MAK: variants seen among roughly 807,000 people sequenced by gnomAD.
MAK encodes serine/threonine-protein kinase MAK.
A neutral mutation model predicts 82.6 loss-of-function variants in MAK; 65 were observed. That is an observed-to-expected ratio of 0.79 (90% CI 0.64 to 0.97). The LOEUF (loss-of-function observed/expected upper bound fraction) is 0.97, where lower values mean the gene tolerates loss of function less well. Among genes scored for constraint, MAK ranks in the 50% least tolerant of loss-of-function variants. The pLI is 0.00. For missense variants in MAK, 703 were observed against 780.2 expected, an observed-to-expected ratio of 0.90 and a Z score of 1.18; for synonymous variants, 250 against 274.2, an observed-to-expected ratio of 0.91 and a Z score of 0.87.
chr6:10,764,593 G>A lies in MAK; in HGVS notation c.1806C>T (p.Asn602=). ...LNATASEYTW[N]TKTGRGQFSG... is the part of the protein sequence containing the mutation. ...AAAACTGCCCCCGACCAGTTTTTGT[G>A]TTCCAGGTATATTCTGAAAGAAATC... Residue 602 remains asparagine, a synonymous_variant, in exon 15 of 15, where the codon AAC becomes AAT. Transcript: ENST00000354489. 3 of 1,613,860 alleles carry A rather than the reference G, an allele frequency of 1.9e-6. No individual in the cohort carries two copies. The highest frequency in any genetic ancestry group is 1.7e-4 in the Middle Eastern group (1 of 6,058).
intron 2 of MAK, among the ~76,000 whole-genome samples, chr6:10,828,509 G>C (rs147928408): frequency 6.6e-6 from 1 of 152,298 alleles, no homozygotes; most frequent in East Asian, 1.9e-4. Flanking sequence ...AGTATCTGAA[G>C]ATAGGGTCTT....
chr6:10,770,281 C>T, intron 13 of MAK, 51 bp from the exon 14 acceptor site: 1 of 1,604,844 alleles, frequency 6.2e-7, no homozygotes, highest in Non-Finnish European at 8.5e-7. Context: ...ATTTTAGGCA[C>T]AGTAGAATAA....
chr6:10,767,803 A>C (rs1271818397), intron 14 of MAK, among the ~76,000 whole-genome samples: 3 of 151,158 alleles, frequency 2.0e-5, no homozygotes, highest in African/African-American at 4.8e-5. Flanking sequence ...AAAAAAAAAA[A>C]AAAAAAAACA....
chr6:10,823,085 A>T (rs979957777), intron 2 of MAK, among the ~76,000 whole-genome samples: 7 of 152,190 alleles, frequency 4.6e-5, no homozygotes, highest in Non-Finnish European at 1.0e-4. Context: ...TTGCCTGCTG[A>T]ATTAAGCACA....
chr6:10,780,472 T>C (rs1309668798), intron 11 of MAK, among the ~76,000 whole-genome samples: 2 of 150,404 alleles, frequency 1.3e-5, no homozygotes, highest in African/African-American at 4.9e-5. Flanking sequence ...TTTTTTTTTT[T>C]TGAGACAGAG....
chr6:10,773,419 G>A (rs551058210), intron 12 of MAK, among the ~76,000 whole-genome samples: 23 of 152,220 alleles, frequency 1.5e-4, no homozygotes, highest in African/African-American at 5.1e-4. Flanking sequence ...GACATTAAAT[G>A]GATAAACTGA....
chr6:10,817,579 A>C (rs1777589054), intron 4 of MAK, among the ~76,000 whole-genome samples: 1 of 152,172 alleles, frequency 6.6e-6, no homozygotes, highest in Non-Finnish European at 1.5e-5. Context: ...ACTATACATA[A>C]ATTTGTATTT....
Position 10,802,453 on chromosome 6 carries a change from G to GAC in MAK, c.664-395_664-394insGT. 3 of 182,786 alleles carry GAC rather than the reference G, an allele frequency of 1.6e-5. No homozygotes were observed. In the South Asian group the frequency reaches 3.3e-4, roughly 20 times the overall value. The allele number at this position is 182,786 out of a possible 1,614,324, so 11.3% of individuals were successfully genotyped here. A position where few individuals can be genotyped will look rare whatever the true frequency, so the allele number is the denominator to read the frequency against. On this transcript the variant is annotated intron_variant, in intron 7 of 14. Transcript: ENST00000354489. ...CCTGAGTAGCTGGGACTACAGGTGC[G>GAC]CACCATCACACCTGGCTAATTTTTT...
chr6:10,813,112 ATATATATATATATATATATATAAATTT>A (rs1561987100), intron 5 of MAK, among the ~76,000 whole-genome samples: 30 of 2,410 alleles, frequency 0.012, 4 homozygotes, highest in African/African-American at 0.023. Context: ...ATATATATAT[ATATATATATATATATATATATAAATTT>A]TTTTTTTTTT....
chr6:10,815,912 G>GTGTGTATATATATATATATA (rs1554184483), intron 4 of MAK, among the ~76,000 whole-genome samples: 67 of 108,252 alleles, frequency 6.2e-4, no homozygotes, highest in East Asian at 1.3e-3. Context: ...GCTTTATACA[G>GTGTGTATATATATATATATA]TATATATATA....
At chr6:10,786,386 C>G (rs374612645) in intron 10 of MAK, among the ~76,000 whole-genome samples, 7 of 152,084 alleles carry the variant, frequency 4.6e-5, no homozygotes, top group East Asian at 3.9e-4. Context: ...TTCAATGCAC[C>G]AGTTCACCTC....
chr6:10,783,749 A>G (rs539222371), intron 11 of MAK, among the ~76,000 whole-genome samples: 27 of 152,276 alleles, frequency 1.8e-4, no homozygotes, highest in Admixed American at 3.3e-4. Flanking sequence ...GGCTGGGCAC[A>G]GTGGCTCACG....
intron 2 of MAK, among the ~76,000 whole-genome samples, chr6:10,821,398 C>G (rs532379557): frequency 1.3e-5 from 2 of 152,300 alleles, no homozygotes; most frequent in Non-Finnish European, 2.9e-5. Context: ...ACCTCAGCCT[C>G]CCAAGTAGCT....
chr6:10,819,140 A>C (rs1339651190), intron 2 of MAK, among the ~76,000 whole-genome samples, 200 bp from the exon 3 acceptor site: 1 of 152,192 alleles, frequency 6.6e-6, no homozygotes, highest in Non-Finnish European at 1.5e-5. Flanking sequence ...AGCTTTAATC[A>C]AAAGTGAAAA....
At chr6:10,806,086 A>C (rs1482491495) in intron 6 of MAK, among the ~76,000 whole-genome samples, 1 of 151,940 alleles carries the variant, frequency 6.6e-6, no homozygotes, top group Non-Finnish European at 1.5e-5. Context: ...TTCCTGAGAG[A>C]GTGGGTTGCT....
chr6:10,815,026 G>T (rs1777352368), intron 4 of MAK, among the ~76,000 whole-genome samples: 1 of 147,294 alleles, frequency 6.8e-6, no homozygotes, highest in African/African-American at 2.5e-5. Flanking sequence ...GAAAGAGCGA[G>T]ACTCCATCTC....
chr6:10,774,304 A>C (rs1773284130), intron 12 of MAK, among the ~76,000 whole-genome samples: 1 of 152,200 alleles, frequency 6.6e-6, no homozygotes, highest in Non-Finnish European at 1.5e-5. Context: ...GTTGAGTATT[A>C]TATATTTTGA....
chr6:10,806,278 G>A (rs1334565805), intron 6 of MAK, among the ~76,000 whole-genome samples: 1 of 150,774 alleles, frequency 6.6e-6, no homozygotes, highest in East Asian at 1.9e-4. Flanking sequence ...GGGTTCAAGT[G>A]ATTCTCCTGC....
chr6:10,768,008 G>C (rs911709415), intron 14 of MAK, among the ~76,000 whole-genome samples: 2 of 152,024 alleles, frequency 1.3e-5, no homozygotes, highest in Non-Finnish European at 2.9e-5. Context: ...ACTTGAGAGT[G>C]ATTAATATTT....
Sources: gnomAD v4.1 joint callset for allele counts (sites outside exome capture counted in the v4.1 genomes callset) on GRCh38, gnomAD v4.1.1 for gene constraint, MANE v1.5 for transcripts, NCBI Gene and HGNC (gene_info 2026-07-23, HGNC 2026-07-21) for gene names.